The following ARHGEF7 variants were observed in gnomAD, a reference collection of about 807,000 sequenced individuals.
ARHGEF7 encodes the protein PAK-interacting exchange factor beta.
A neutral mutation model predicts 109.8 loss-of-function variants in ARHGEF7; 33 were observed. The ratio of observed to expected loss-of-function variants is 0.30; its 90% confidence interval spans 0.23 to 0.40. The LOEUF (loss-of-function observed/expected upper bound fraction) is 0.40. Ranked by LOEUF, ARHGEF7 falls within the 10% of genes least tolerant of loss-of-function variation. ARHGEF7 has a pLI of 1.00. For missense variants in ARHGEF7, 938 were observed against 1,098.5 expected (o/e 0.85, Z 2.07); for synonymous variants, 458 against 424.6 (o/e 1.08, Z -0.97).
chr13:111,221,678 C>T (rs1442341535), intron 5 of ARHGEF7, among the ~76,000 whole-genome samples: 4 of 134,948 alleles, frequency 3.0e-5, no homozygotes, highest in Non-Finnish European at 6.3e-5. Context: ...ATAATAAACT[C>T]CCCTTAATAA....
chr13:111,175,593 G>A (rs556168034), intron 2 of ARHGEF7, among the ~76,000 whole-genome samples: 24 of 152,176 alleles, frequency 1.6e-4, no homozygotes, highest in Non-Finnish European at 2.5e-4. Context: ...CCCCAGGGGC[G>A]GGCCTCCTAA....
rs779512346 is a variant in ARHGEF7 at position 111,186,450 on chromosome 13, T to C, written c.253-18839T>C. ...ATTGATAGCATCCGTCATCAGACTT[T>C]AATTTTACCCCTGGGGTGTAGGAGT... is the stretch of plus-strand genomic sequence containing the variant. On this transcript the variant is annotated intron_variant, in intron 2 of 21. Coordinates refer to ENST00000646102, the MANE Select transcript of ARHGEF7 (RefSeq NM_001354046.2). 8.5e-5 allele frequency among the ~76,000 whole-genome samples: 13 copies of C among 152,196 alleles called. 1 individual carries two copies. The highest frequency in any genetic ancestry group is 1.0e-4 in the Non-Finnish European group (7 of 68,032).
chr13:111,194,801 T>C (rs1192963948), intron 2 of ARHGEF7, among the ~76,000 whole-genome samples: 3 of 152,166 alleles, frequency 2.0e-5, no homozygotes, highest in Non-Finnish European at 4.4e-5. Flanking sequence ...TAAGTTGGGA[T>C]GTGTGGTCTG....
intron 2 of ARHGEF7, among the ~76,000 whole-genome samples, 199 bp downstream of exon 2, chr13:111,154,190 C>A (rs1180953505): frequency 6.6e-6 from 1 of 152,204 alleles, no homozygotes; most frequent in African/African-American, 2.4e-5. Context: ...GCGCGGGCCA[C>A]CCCCAGGGCA....
chr13:111,303,246 AAGCTGG>A lies in ARHGEF7; in HGVS notation c.*138_*143del. The A allele has an allele frequency of 1.2e-6, 1 of 830,804 alleles. No homozygotes were observed. The highest frequency in any genetic ancestry group is 1.8e-6 in the Non-Finnish European group (1 of 555,594). 51.5% of individuals were successfully genotyped at this position (830,804 alleles called of 1,614,324 possible). A position where few individuals can be genotyped will look rare whatever the true frequency, so the allele number is the denominator to read the frequency against. ...GCCACCTTGCTCTCTGTATATAGAA[AAGCTGG>A]AGCTTATTCTGCGAATGGAGACGAT... On this transcript the variant is annotated 3_prime_UTR_variant, in exon 22 of 22. Coordinates refer to ENST00000646102, the MANE Select transcript of ARHGEF7 (RefSeq NM_001354046.2).
At chr13:111,271,977 C>T (rs1315591157) in intron 9 of ARHGEF7, among the ~76,000 whole-genome samples, 1 of 152,202 alleles carries the variant, frequency 6.6e-6, no homozygotes, top group Non-Finnish European at 1.5e-5. Context: ...TAGGACTGCA[C>T]CCTGGCCTTG....
chr13:111,206,575 G>A (rs2081888463), intron 3 of ARHGEF7, among the ~76,000 whole-genome samples: 2 of 152,198 alleles, frequency 1.3e-5, no homozygotes, highest in Non-Finnish European at 2.9e-5. Context: ...GCAGGATTAT[G>A]AAGATGGATG....
chr13:111,279,184 G>A (rs1299562685), intron 13 of ARHGEF7, among the ~76,000 whole-genome samples: 2 of 152,344 alleles, frequency 1.3e-5, no homozygotes, highest in Non-Finnish European at 2.9e-5. Flanking sequence ...TTGGAAAGGA[G>A]TTCACAGTGT....
intron 2 of ARHGEF7, among the ~76,000 whole-genome samples, chr13:111,201,179 A>G (rs963919758): frequency 1.3e-5 from 2 of 152,138 alleles, no homozygotes; most frequent in Non-Finnish European, 2.9e-5. Flanking sequence ...TCTCCGACCT[A>G]CGATTGCAGA....
chr13:111,255,407 A>G lies in ARHGEF7; in HGVS notation c.950+11113A>G, dbSNP rs1443616368. ...GTCACCTGCCTCATGTTGCTTGCCC[A>G]TGTCTGTCCCAGTGTCCTCATCTAT... is the stretch of plus-strand genomic sequence containing the variant. On this transcript the variant is annotated intron_variant, in intron 8 of 21. Coordinates refer to ENST00000646102, the MANE Select transcript of ARHGEF7 (RefSeq NM_001354046.2). This position sits in a 1 kb window ranked among gnomAD's most constrained non-coding sequence, Gnocchi z 4.1. Among the ~76,000 whole-genome samples the G allele has an allele frequency of 6.6e-6, 1 of 152,174 alleles. No individual in the cohort carries two copies. The highest frequency in any genetic ancestry group is 1.5e-5 in the Non-Finnish European group (1 of 68,028).
chr13:111,176,517 T>G (rs1030993534), intron 2 of ARHGEF7, among the ~76,000 whole-genome samples: 26 of 152,216 alleles, frequency 1.7e-4, no homozygotes, highest in African/African-American at 5.8e-4. Flanking sequence ...CTCTTCACTG[T>G]GTGCTGTGCC....
At chr13:111,250,248 T>C (rs2089564463) in intron 8 of ARHGEF7, among the ~76,000 whole-genome samples, 1 of 152,138 alleles carries the variant, frequency 6.6e-6, no homozygotes, top group East Asian at 1.9e-4. Flanking sequence ...ACACTGTCAT[T>C]TGTGTTGTGA....
intron 2 of ARHGEF7, among the ~76,000 whole-genome samples, chr13:111,179,769 G>T (rs755213100): frequency 2.4e-4 from 36 of 152,192 alleles, no homozygotes; most frequent in Non-Finnish European, 4.1e-4. Context: ...ATCCAGGCTT[G>T]TTAGTGTGTA....
intron 1 of ARHGEF7, among the ~76,000 whole-genome samples, chr13:111,142,033 A>G (rs2075371533): frequency 6.6e-6 from 1 of 152,208 alleles, no homozygotes; most frequent in Non-Finnish European, 1.5e-5. Context: ...ATAGGTATGC[A>G]GTGGCATCTC....
chr13:111,279,203 T>C (rs1283051931), intron 13 of ARHGEF7, among the ~76,000 whole-genome samples: 2 of 152,324 alleles, frequency 1.3e-5, no homozygotes, highest in African/African-American at 2.4e-5. Flanking sequence ...GTGTAGCATT[T>C]TTTAAATACG....
intron 15 of ARHGEF7, chr13:111,280,979 A>T (rs1455693409): frequency 8.2e-6 from 2 of 243,898 alleles, no homozygotes; most frequent in African/African-American, 4.5e-5. Flanking sequence ...GGAGTTTTAC[A>T]CTCAACTATA....
At chr13:111,299,268 G>T (rs959753188) in intron 19 of ARHGEF7, among the ~76,000 whole-genome samples, 1 of 152,038 alleles carries the variant, frequency 6.6e-6, no homozygotes, top group African/African-American at 2.4e-5. Flanking sequence ...CTTAAGCTTT[G>T]GCATCATCCT....
At chr13:111,168,756 G>A (rs1214846539) in intron 2 of ARHGEF7, among the ~76,000 whole-genome samples, 1 of 152,208 alleles carries the variant, frequency 6.6e-6, no homozygotes, top group African/African-American at 2.4e-5. Flanking sequence ...TATTAAAGAT[G>A]TAAAAATGGC....
At chr13:111,287,945 T>A (rs986517850) in intron 17 of ARHGEF7, among the ~76,000 whole-genome samples, 3 of 152,224 alleles carry the variant, frequency 2.0e-5, no homozygotes, top group Non-Finnish European at 4.4e-5. Flanking sequence ...CTGGCTGGCG[T>A]GTGGAAACAC....
Sources: allele counts gnomAD v4.1 joint callset (sites outside exome capture counted in the v4.1 genomes callset), GRCh38; gene constraint gnomAD v4.1.1; non-coding constraint Gnocchi (gnomAD v3.1); transcripts MANE v1.5; gene names NCBI Gene and HGNC (gene_info 2026-07-23, HGNC 2026-07-21).